The following NAV3 variants were observed in gnomAD, a reference collection of about 807,000 sequenced individuals.
The protein encoded by NAV3 is neuron navigator 3, also known as pore membrane and/or filament interacting like protein 1.
In NAV3, 87 loss-of-function variants were observed where a neutral mutation model predicts 244.7. That is an observed-to-expected ratio of 0.36 (90% CI 0.30 to 0.42). The LOEUF is 0.42. Ranked by LOEUF, NAV3 falls within the 20% of genes least tolerant of loss-of-function variation. The pLI, the probability that NAV3 is intolerant of heterozygous loss-of-function variation, is 1.00. For missense variants in NAV3, 2,663 were observed against 2,893.3 expected, an observed-to-expected ratio of 0.92 and a Z score of 1.83; for synonymous variants, 1,126 against 1,042.2, an observed-to-expected ratio of 1.08 and a Z score of -1.55.
chr12:78,107,767 A>G (rs1410845269), intron 12 of NAV3, among the ~76,000 whole-genome samples: 3 of 152,122 alleles, frequency 2.0e-5, no homozygotes, highest in Non-Finnish European at 4.4e-5. Context: ...GGAAACTAGT[A>G]GTGAAAGGAC....
chr12:77,885,384 A>G (rs1022127441), intron 1 of NAV3, among the ~76,000 whole-genome samples: 2 of 152,062 alleles, frequency 1.3e-5, no homozygotes, highest in Admixed American at 1.3e-4. Context: ...AGTTTTGTAT[A>G]TATGTCTCTT....
chr12:77,998,266 T>A, intron 6 of NAV3, 71 bp from the exon 7 acceptor site: 1 of 1,206,908 alleles, frequency 8.3e-7, no homozygotes, highest in Non-Finnish European at 1.1e-6. Flanking sequence ...AATTTCTGAC[T>A]TTCAGCACCT....
At chr12:78,074,123 CA>C (rs1952924946) in intron 12 of NAV3, among the ~76,000 whole-genome samples, 1 of 152,146 alleles carries the variant, frequency 6.6e-6, no homozygotes, top group African/African-American at 2.4e-5. Context: ...AGCAGGCCCA[CA>C]AAAGCACTGA....
chr12:77,670,995 A>T (rs1027983266), intron 2 of NAV3, among the ~76,000 whole-genome samples: 1 of 152,178 alleles, frequency 6.6e-6, no homozygotes, highest in Non-Finnish European at 1.5e-5. Context: ...AGGAAGTCAA[A>T]CTGTTGCCAT....
At chr12:77,738,762 G>A (rs1461273529) in intron 2 of NAV3, among the ~76,000 whole-genome samples, 3 of 152,162 alleles carry the variant, frequency 2.0e-5, no homozygotes, top group Non-Finnish European at 4.4e-5. Flanking sequence ...TGTAATGCCA[G>A]GACTTTGGGA....
intron 2 of NAV3, among the ~76,000 whole-genome samples, chr12:77,733,737 G>C (rs567803837): frequency 6.6e-6 from 1 of 151,776 alleles, no homozygotes; most frequent in African/African-American, 2.4e-5. Flanking sequence ...TGAAAGCAAA[G>C]GATACTGTGA....
chr12:77,708,979 C>G (rs1417607263), intron 2 of NAV3, among the ~76,000 whole-genome samples: 1 of 152,118 alleles, frequency 6.6e-6, no homozygotes, highest in Non-Finnish European at 1.5e-5. Context: ...ATGGGGTTTT[C>G]TAAATATACA....
Position 77,998,434 on chromosome 12 carries a change from G to T in NAV3, c.838G>T (p.Asp280Tyr). ...GAGAAGTCAGAGCTTTAACAGCATTGACAAAAACAAGCCTCCAAATTATGC... is the reference window on the plus strand; with the variant it reads ...GAGAAGTCAGAGCTTTAACAGCATTTACAAAAACAAGCCTCCAAATTATGC... The part of the protein sequence containing the change: ...NRRSQSFNSI[D>Y]KNKPPNYANG... The change falls in exon 7 of 40, where the codon GAC becomes TAC. Residue 280 changes from aspartate (D) to tyrosine (Y), a missense_variant. Asp to Tyr is a radical substitution (Grantham distance 160, BLOSUM62 -3). This residue lies in a region of NAV3 where 1,521 missense variants were observed against 1,497.0 expected (regional missense o/e 1.02). Transcript: ENST00000397909. 1 of 1,611,606 alleles carries T rather than the reference G, an allele frequency of 6.2e-7. No homozygotes were observed. Among genetic ancestry groups the T allele is most frequent in the Non-Finnish European group, 8.5e-7 (1 of 1,178,790 alleles).
chr12:77,694,122 A>T (rs1261214808), intron 2 of NAV3, among the ~76,000 whole-genome samples: 10 of 151,966 alleles, frequency 6.6e-5, no homozygotes, highest in Middle Eastern at 3.4e-3. Flanking sequence ...AGAGTTCATG[A>T]TGTTTGTATA....
chr12:77,612,264 C>T (rs1870950411), intron 2 of NAV3, among the ~76,000 whole-genome samples: 1 of 152,212 alleles, frequency 6.6e-6, no homozygotes, highest in African/African-American at 2.4e-5. Flanking sequence ...AGAATCAGTT[C>T]TCATAAATGT....
intron 2 of NAV3, among the ~76,000 whole-genome samples, chr12:77,655,632 G>A (rs1213689055): frequency 6.6e-6 from 1 of 151,970 alleles, no homozygotes; most frequent in Non-Finnish European, 1.5e-5. Flanking sequence ...CTCGAGAAGA[G>A]CAACTCCAAG....
intron 2 of NAV3, among the ~76,000 whole-genome samples, chr12:77,776,755 C>G (rs530654699): frequency 6.6e-6 from 1 of 152,144 alleles, no homozygotes; most frequent in South Asian, 2.1e-4. Flanking sequence ...CCGAGGTGGG[C>G]GGGTCACCAG....
In NAV3 at chr12:78,167,912, G is replaced by T. The variant is rs139133896; in HGVS notation, c.4870-843G>T. Among the ~76,000 whole-genome samples, 140 of 151,248 alleles carry T rather than the reference G, an allele frequency of 9.3e-4. 1 individual carries two copies. Among genetic ancestry groups the T allele is most frequent in the African/African-American group, 3.3e-3 (136 of 41,334 alleles). On this transcript the variant is annotated intron_variant, in intron 23 of 39. Transcript: ENST00000397909. Reference sequence around the variant, plus strand: ...GAGTTATTTTATCTTCCAAAAATGAGTTATTTCTGATAAAATAATTCACTT... The same window carrying T: ...GAGTTATTTTATCTTCCAAAAATGATTTATTTCTGATAAAATAATTCACTT...
At chr12:77,814,980 G>A (rs955726106) in intron 2 of NAV3, among the ~76,000 whole-genome samples, 1 of 152,128 alleles carries the variant, frequency 6.6e-6, no homozygotes, top group Non-Finnish European at 1.5e-5. Context: ...ACTGTTCATG[G>A]AGGAATCTTG....
At chr12:77,900,197 C>T (rs1374391770) in intron 1 of NAV3, among the ~76,000 whole-genome samples, 1 of 151,960 alleles carries the variant, frequency 6.6e-6, no homozygotes, top group African/African-American at 2.4e-5. Flanking sequence ...CTGCCTCAGC[C>T]TCCCGAGTAG....
rs368814415 is a variant in NAV3, at chr12:77,903,181, G to A, written c.244-37138G>A. On this transcript the variant is annotated intron_variant, in intron 1 of 39. Transcript: ENST00000397909. ...ATGGAACCAAAACAGAGCCCGCATCGCCAAGACAATCCTAAGCCAAAAGAA... is the reference window on the plus strand; with the variant it reads ...ATGGAACCAAAACAGAGCCCGCATCACCAAGACAATCCTAAGCCAAAAGAA... Among the ~76,000 whole-genome samples the A allele has an allele frequency of 5.2e-4, 79 of 152,162 alleles. No homozygotes were observed. The East Asian group carries it at 0.012, about 23-fold the overall frequency.
At chr12:77,688,259 C>T (rs1874848325) in intron 2 of NAV3, among the ~76,000 whole-genome samples, 2 of 151,936 alleles carry the variant, frequency 1.3e-5, no homozygotes, top group South Asian at 4.2e-4. Context: ...AGAGATGGCT[C>T]AAATGGTGTT....
intron 23 of NAV3, among the ~76,000 whole-genome samples, chr12:78,162,586 AG>A (rs1957589870): frequency 1.3e-5 from 2 of 151,838 alleles, no homozygotes; most frequent in South Asian, 4.2e-4. Context: ...AAAACAGGCC[AG>A]GTGTGGTGAC....
chr12:78,173,762 T>G (rs935694612), intron 24 of NAV3, among the ~76,000 whole-genome samples: 3 of 151,002 alleles, frequency 2.0e-5, no homozygotes, highest in Non-Finnish European at 4.4e-5. Flanking sequence ...AAAAGCTGTA[T>G]GTGTTTCTTC....
Sources: allele counts gnomAD v4.1 joint callset (sites outside exome capture counted in the v4.1 genomes callset), GRCh38; gene constraint gnomAD v4.1.1; regional missense constraint gnomAD v4.1.1; transcripts MANE v1.5; gene names NCBI Gene and HGNC (gene_info 2026-07-23, HGNC 2026-07-21).